Variants in AFF2 observed in about 807,000 individuals in gnomAD.
AFF2 encodes the protein ALF transcription elongation factor 2, also known as AF4/FMR2 family member 2.
Under a neutral mutation model 76.9 loss-of-function variants are expected in AFF2, and 14 were observed. The ratio of observed to expected loss-of-function variants is 0.18; its 90% CI spans 0.12 to 0.28. AFF2 has a LOEUF of 0.28. Ranked by LOEUF, AFF2 falls within the 10% of genes least tolerant of loss-of-function variation. AFF2 has a pLI of 1.00. For synonymous variants in AFF2, 398 were observed against 366.7 expected, an observed-to-expected ratio of 1.09 and a Z score of -0.98; for missense variants, 868 against 1,001.1, an observed-to-expected ratio of 0.87 and a Z score of 1.79.
chrX:148,857,895 T>C (rs2070804962), intron 7 of AFF2, among the ~76,000 whole-genome samples: 1 of 111,759 alleles, frequency 8.9e-6, no homozygotes, highest in African/African-American at 3.2e-5. Flanking sequence ...TATGTTTCAA[T>C]TCAGGTTTGT....
At chrX:148,893,494 T>G (rs902599431) in intron 8 of AFF2, among the ~76,000 whole-genome samples, 1 of 112,250 alleles carries the variant, frequency 8.9e-6, no homozygotes, top group Non-Finnish European at 1.9e-5. Context: ...ATTGTGCTTA[T>G]CTCATGGTCA....
intron 3 of AFF2, among the ~76,000 whole-genome samples, chrX:148,713,320 A>G (rs1045606019): frequency 9.0e-6 from 1 of 111,345 alleles, no homozygotes; most frequent in Non-Finnish European, 1.9e-5. Context: ...TTTGAGCAGC[A>G]CGAGTGAGGC....
chrX:148,841,291 A>G (rs1168583757), intron 5 of AFF2, among the ~76,000 whole-genome samples: 1 of 112,216 alleles, frequency 8.9e-6, no homozygotes, highest in African/African-American at 3.2e-5. Context: ...GTATATAGTT[A>G]CAGAGATATA....
At position 148,837,724 on chromosome X, in the gene AFF2, C is replaced by A; in HGVS notation, c.1164C>A (p.Ile388=). ...AGHSEQSTFS[I]PGQESQHLTP... is the part of the protein sequence containing the mutation. The stretch of plus-strand genomic sequence containing the variant: ...ACTCTGAGCAGAGCACCTTTTCCAT[C>A]CCAGGACAGGTCAGTTCTCTTCCTT... The change falls in exon 5 of 21, where the codon ATC becomes ATA. Residue 388 remains isoleucine, a synonymous_variant. Transcript: ENST00000370460. The A allele has an allele frequency of 8.5e-7, 1 of 1,176,435 alleles. No individual in the cohort carries two copies. The highest frequency in any genetic ancestry group is 1.2e-6 in the Non-Finnish European group (1 of 864,800).
At chrX:148,827,574 C>T (rs1303101966) in intron 4 of AFF2, among the ~76,000 whole-genome samples, 2 of 112,033 alleles carry the variant, frequency 1.8e-5, no homozygotes, top group East Asian at 5.6e-4. Context: ...CACCGTATCT[C>T]TCCAACAATG....
intron 4 of AFF2, among the ~76,000 whole-genome samples, chrX:148,833,168 T>G (rs1395957281): frequency 1.8e-5 from 2 of 111,546 alleles, no homozygotes; most frequent in Non-Finnish European, 3.8e-5. Context: ...CTTCAACTAT[T>G]GAAGCCTTTT....
intron 1 of AFF2, among the ~76,000 whole-genome samples, chrX:148,524,566 A>G (rs936581035): frequency 1.8e-5 from 2 of 112,281 alleles, no homozygotes; most frequent in Non-Finnish European, 3.8e-5. Context: ...ACATTTTCAT[A>G]AACTCAGAAA....
chrX:148,814,589 T>C (rs1185178246), intron 4 of AFF2, among the ~76,000 whole-genome samples: 3 of 111,746 alleles, frequency 2.7e-5, no homozygotes, highest in African/African-American at 9.8e-5. Flanking sequence ...TTTGATAAAC[T>C]GTATCTTCTT....
intron 1 of AFF2, among the ~76,000 whole-genome samples, chrX:148,565,618 A>G (rs1428764274): frequency 1.8e-5 from 2 of 111,301 alleles, no homozygotes; most frequent in African/African-American, 3.3e-5. Flanking sequence ...TAGGGGTACA[A>G]ATATAATGTG....
intron 1 of AFF2, among the ~76,000 whole-genome samples, chrX:148,617,964 G>A (rs1056549215): frequency 9.0e-6 from 1 of 111,386 alleles, no homozygotes; most frequent in African/African-American, 3.3e-5. Context: ...TCCAGGGAGA[G>A]CATTTAGGGT....
At chrX:148,691,628 G>C (rs2124502531) in intron 3 of AFF2, among the ~76,000 whole-genome samples, 1 of 111,693 alleles carries the variant, frequency 9.0e-6, no homozygotes, top group South Asian at 3.8e-4. Context: ...TTTAGACCTA[G>C]GGCACAGCAT....
rs1557231709 is a variant in AFF2 at position 148,500,953 on chromosome X, G to C, written c.-145G>C. On this transcript the variant is annotated 5_prime_UTR_variant, in exon 1 of 21. Coordinates refer to ENST00000370460, the MANE Select transcript of AFF2 (RefSeq NM_002025.4). ...GACACCTCCAGCGCCCGCTGCTGCT[G>C]CCGATGCGGCCCGGACACTTTTAGC... The C allele has an allele frequency of 2.8e-6, 2 of 716,673 alleles. No individual in the cohort carries two copies. The highest frequency in any genetic ancestry group is 3.9e-6 in the Non-Finnish European group (2 of 513,726). 59.1% of individuals were successfully genotyped at this position (716,673 alleles called of 1,213,427 possible). A position where few individuals can be genotyped will look rare whatever the true frequency, so the allele number is the denominator to read the frequency against.
At chrX:148,723,008 A>G (rs2055112300) in intron 3 of AFF2, among the ~76,000 whole-genome samples, 1 of 111,289 alleles carries the variant, frequency 9.0e-6, no homozygotes, top group Non-Finnish European at 1.9e-5. Flanking sequence ...TCATGAGTAT[A>G]GGGCTGTGGT....
chrX:148,914,641 A>G (rs1232340683), intron 9 of AFF2, among the ~76,000 whole-genome samples: 1 of 111,988 alleles, frequency 8.9e-6, no homozygotes, highest in African/African-American at 3.2e-5. Flanking sequence ...GCTCATATAG[A>G]GTTCCTGTAA....
At chrX:148,917,652 T>C (rs1470460360) in intron 9 of AFF2, among the ~76,000 whole-genome samples, 2 of 112,350 alleles carry the variant, frequency 1.8e-5, no homozygotes, top group African/African-American at 6.5e-5. Flanking sequence ...GTTGGAGAAG[T>C]TGGATGGCTC....
intron 1 of AFF2, among the ~76,000 whole-genome samples, chrX:148,548,714 C>T (rs191076432): frequency 0.022 from 2,467 of 112,192 alleles, 67 homozygotes; most frequent in African/African-American, 0.073. Flanking sequence ...GGATTACAGG[C>T]GTCAGCCACC....
At chrX:148,900,142 A>G (rs2071338947) in intron 8 of AFF2, among the ~76,000 whole-genome samples, 1 of 111,235 alleles carries the variant, frequency 9.0e-6, no homozygotes, top group South Asian at 3.8e-4. Flanking sequence ...ATGGCTGGCA[A>G]GTTTTCTAAG....
chrX:148,762,508 G>GTGTA (rs782356186), intron 3 of AFF2, among the ~76,000 whole-genome samples: 31 of 106,435 alleles, frequency 2.9e-4, no homozygotes, highest in Non-Finnish European at 4.0e-4. Context: ...GTGTGTGTGT[G>GTGTA]TATATAACAT....
chrX:148,899,546 T>A (rs1435202968), intron 8 of AFF2, among the ~76,000 whole-genome samples: 1 of 112,283 alleles, frequency 8.9e-6, no homozygotes, highest in Admixed American at 9.4e-5. Context: ...TGTTTTTCTG[T>A]CTTTTTCCAT....
Sources: gnomAD v4.1 joint callset for allele counts (sites outside exome capture counted in the v4.1 genomes callset) on GRCh38, gnomAD v4.1.1 for gene constraint, MANE v1.5 for transcripts, NCBI Gene and HGNC (gene_info 2026-07-23, HGNC 2026-07-21) for gene names.